SMARCC1: variants seen among roughly 807,000 people sequenced by gnomAD.
SMARCC1 encodes the protein SWI/SNF related BAF chromatin remodeling complex subunit C1.
Under a neutral mutation model 147.4 loss-of-function variants are expected in SMARCC1, and 43 were observed. The ratio of observed to expected loss-of-function variants is 0.29; its 90% confidence interval spans 0.23 to 0.38. SMARCC1 has a LOEUF of 0.38. Ranked by LOEUF, SMARCC1 falls within the 10% of genes least tolerant of loss-of-function variation. The pLI is 1.00. For synonymous variants in SMARCC1, 495 were observed against 484.4 expected (o/e 1.02, Z -0.29); for missense variants, 1,119 against 1,381.1 (o/e 0.81, Z 3.01).
At chr3:47,667,231 T>C (rs934363816) in intron 19 of SMARCC1, among the ~76,000 whole-genome samples, 9 of 150,108 alleles carry the variant, frequency 6.0e-5, no homozygotes, top group Non-Finnish European at 1.0e-4. Flanking sequence ...GGCAGGAGAA[T>C]AGTGTGAACC....
chr3:47,734,022 T>C lies in SMARCC1; in HGVS notation c.576+2012A>G, dbSNP rs116729068. Among the ~76,000 whole-genome samples, 536 of 152,060 alleles carry C rather than the reference T, an allele frequency of 3.5e-3. 4 individuals are homozygous for C. Among genetic ancestry groups the C allele is most frequent in the African/African-American group, 0.012 (501 of 41,482 alleles). ...GTATATCTACATATATGTATACACA[T>C]ATGTATATACAGACATACACACACG... On this transcript the variant is annotated intron_variant, in intron 5 of 27. Transcript: ENST00000254480.
chr3:47,769,646 T>A (rs1229395820), intron 2 of SMARCC1, among the ~76,000 whole-genome samples: 1 of 152,130 alleles, frequency 6.6e-6, no homozygotes, highest in Non-Finnish European at 1.5e-5. Context: ...CACAGAAATA[T>A]TTCCTGACAT....
chr3:47,690,292 CAG>C (rs1576412439), intron 12 of SMARCC1, among the ~76,000 whole-genome samples: 1 of 152,098 alleles, frequency 6.6e-6, no homozygotes, highest in Non-Finnish European at 1.5e-5. Flanking sequence ...CAAAAATAAA[CAG>C]AAATTTATCA....
In SMARCC1 at chr3:47,779,206, T is replaced by C. The variant is rs374152260; in HGVS notation, c.195+2397A>G. On this transcript the variant is annotated intron_variant, in intron 1 of 27. Coordinates refer to ENST00000254480, the MANE Select transcript of SMARCC1 (RefSeq NM_003074.4). ...ATGATCACGCCACTGTACTCCAGCC[T>C]GGGCAACACAGAAAGACCCTGTCTC... Among the ~76,000 whole-genome samples the C allele has an allele frequency of 9.2e-5, 14 of 152,182 alleles. No homozygotes were observed. The East Asian group carries it at 2.7e-3, about 29-fold the overall frequency.
chr3:47,590,579 G>A, intron 27 of SMARCC1, 82 bp downstream of exon 27: 1 of 1,238,588 alleles, frequency 8.1e-7, no homozygotes, highest in African/African-American at 1.6e-5. Context: ...AAATCTCGGG[G>A]AGAGAACAAA....
At position 47,595,450 on chromosome 3, in the gene SMARCC1, C is replaced by T. The variant is rs188352579; in HGVS notation, c.3044-4613G>A. On this transcript the variant is annotated intron_variant, in intron 26 of 27. Coordinates refer to ENST00000254480, the MANE Select transcript of SMARCC1 (RefSeq NM_003074.4). ...GCTGAGGCAGGAGAATCGCTTGAAC[C>T]GGAGAGGTGGAGGTTGCAGTGAGCC... Among the ~76,000 whole-genome samples, 89 of 151,932 alleles carry T rather than the reference C, an allele frequency of 5.9e-4. 1 individual carries two copies. The highest frequency in any genetic ancestry group is 4.0e-3 in the South Asian group (19 of 4,794).
At chr3:47,677,890 C>T (rs1440645230) in intron 16 of SMARCC1, among the ~76,000 whole-genome samples, 2 of 152,104 alleles carry the variant, frequency 1.3e-5, no homozygotes, top group Non-Finnish European at 2.9e-5. Flanking sequence ...AGTGCTCATG[C>T]CTGCAATCAC....
intron 24 of SMARCC1, among the ~76,000 whole-genome samples, chr3:47,624,821 G>A (rs976512854): frequency 1.3e-5 from 2 of 151,472 alleles, no homozygotes; most frequent in Admixed American, 1.3e-4. Context: ...TTGGGAAGGC[G>A]AGTGGATTAC....
intron 25 of SMARCC1, among the ~76,000 whole-genome samples, chr3:47,617,340 T>C (rs1266231997): frequency 6.6e-6 from 1 of 152,236 alleles, no homozygotes; most frequent in Admixed American, 6.5e-5. Context: ...AAGCAAACAT[T>C]ACTTTCTTGC....
chr3:47,770,708 C>T lies in SMARCC1; in HGVS notation c.315+2109G>A, dbSNP rs566537925. The stretch of plus-strand genomic sequence containing the variant: ...ATTAAAAAAAGGTAAAAAATGAAAT[C>T]ATACAAGTACTAAAAGAACACATTG... On this transcript the variant is annotated intron_variant, in intron 2 of 27. Transcript: ENST00000254480. Among the ~76,000 whole-genome samples the T allele has an allele frequency of 3.3e-5, 5 of 152,126 alleles. No individual in the cohort carries two copies. In the South Asian group the frequency reaches 8.3e-4, roughly 25 times the overall value.
At chr3:47,621,985 TGAG>T (rs1274014050) in intron 25 of SMARCC1, among the ~76,000 whole-genome samples, 1 of 152,144 alleles carries the variant, frequency 6.6e-6, no homozygotes, top group African/African-American at 2.4e-5. Flanking sequence ...CACAAGAAGC[TGAG>T]ATTTAGATAA....
In SMARCC1 at chr3:47,675,548, T is replaced by C. The variant is rs758180899; in HGVS notation, c.1766A>G (p.Asn589Ser). The C allele has an allele frequency of 1.2e-6, 2 of 1,612,280 alleles. No homozygotes were observed. Among genetic ancestry groups the C allele is most frequent in the Admixed American group, 1.7e-5 (1 of 59,990 alleles). Reference sequence around the variant, plus strand: ...CTGCAAATCAACTGGTTTTTCCTTGTTTTTCTCAGGAAAATTTAGCATCTG... The same window carrying C: ...CTGCAAATCAACTGGTTTTTCCTTGCTTTTCTCAGGAAAATTTAGCATCTG... ...AQQMLNFPEK[N>S]KEKPVDLQNF... The change falls in exon 18 of 28, where the codon AAC becomes AGC. Residue 589 changes from asparagine (N) to serine (S), a missense_variant. Physicochemically the swap from Asn to Ser is conservative, Grantham distance 46. Coordinates refer to ENST00000254480, the MANE Select transcript of SMARCC1 (RefSeq NM_003074.4).
At chr3:47,618,595 G>A (rs2032681046) in intron 25 of SMARCC1, among the ~76,000 whole-genome samples, 1 of 152,094 alleles carries the variant, frequency 6.6e-6, no homozygotes, top group African/African-American at 2.4e-5. Context: ...TATAATTTAA[G>A]TAGTTATTTA....
At chr3:47,672,881 C>T (rs1047417495) in intron 18 of SMARCC1, among the ~76,000 whole-genome samples, 19 of 152,114 alleles carry the variant, frequency 1.2e-4, no homozygotes, top group African/African-American at 4.3e-4. Flanking sequence ...TGGGTTCAAG[C>T]GACTCTCGAG....
rs143599701 is a variant in SMARCC1, at chr3:47,585,446, G to C, written c.*2763C>G. 2.0e-5 allele frequency: 3 copies of C among 152,140 alleles called. No individual in the cohort carries two copies. Among genetic ancestry groups the C allele is most frequent in the Admixed American group, 2.0e-4 (3 of 15,272 alleles). The allele number at this position is 152,140 out of a possible 1,614,324, so 9.4% of individuals were successfully genotyped here. A position where few individuals can be genotyped will look rare whatever the true frequency, so the allele number is the denominator to read the frequency against. On this transcript the variant is annotated 3_prime_UTR_variant, in exon 28 of 28. Transcript: ENST00000254480. ...AGAATCCTCTTCTTTTGCTTCACTC[G>C]ATTTATAAGCATCCTGAAAACAATC...
At chr3:47,722,419 T>G (rs1056993635) in intron 6 of SMARCC1, among the ~76,000 whole-genome samples, 1 of 148,166 alleles carries the variant, frequency 6.7e-6, no homozygotes, top group African/African-American at 2.5e-5. Flanking sequence ...TGCCTCAGCC[T>G]CCCAAGTAGC....
intron 21 of SMARCC1, among the ~76,000 whole-genome samples, chr3:47,654,748 C>T (rs1274614442): frequency 6.6e-6 from 1 of 152,182 alleles, no homozygotes; most frequent in Non-Finnish European, 1.5e-5. Context: ...ATTATAACAA[C>T]CCACTCTGAG....
intron 4 of SMARCC1, among the ~76,000 whole-genome samples, chr3:47,737,826 T>TTC (rs1277267148): frequency 6.6e-6 from 1 of 150,432 alleles, no homozygotes; most frequent in Non-Finnish European, 1.5e-5. Flanking sequence ...CGGCTAATTT[T>TTC]TTTTTTTTTT....
intron 21 of SMARCC1, among the ~76,000 whole-genome samples, chr3:47,656,320 T>C (rs1455302630): frequency 6.6e-6 from 1 of 152,328 alleles, no homozygotes; most frequent in African/African-American, 2.4e-5. Context: ...GAGAAACAGG[T>C]AATTAAGTCC....
Sources: allele counts gnomAD v4.1 joint callset (sites outside exome capture counted in the v4.1 genomes callset), GRCh38; gene constraint gnomAD v4.1.1; transcripts MANE v1.5; gene names NCBI Gene and HGNC (gene_info 2026-07-23, HGNC 2026-07-21).